PLAC8L1: variants seen among roughly 807,000 people sequenced by gnomAD.
PLAC8L1 encodes PLAC8 like 1.
PLAC8L1 carries 13 observed loss-of-function variants against 16.3 expected under a neutral mutation model. That is an observed-to-expected ratio of 0.80 (90% CI 0.52 to 1.27). The LOEUF (loss-of-function observed/expected upper bound fraction) is 1.27, where lower values mean the gene tolerates loss of function less well. Among genes scored for constraint, PLAC8L1 ranks in the 50% most tolerant of loss-of-function variants. PLAC8L1 has a pLI of 0.00. For synonymous variants in PLAC8L1, 78 were observed against 79.3 expected (o/e 0.98, Z 0.09); for missense variants, 184 against 220.2 (o/e 0.84, Z 1.04).
At chr5:146,089,740 CTTT>C (rs35287551) in intron 2 of PLAC8L1, among the ~76,000 whole-genome samples, 6 of 136,164 alleles carry the variant, frequency 4.4e-5, no homozygotes, top group Admixed American at 7.5e-5. Context: ...ACTTCTTCTT[CTTT>C]TTTTTTTTTT....
At chr5:146,086,744 GA>G (rs1449156483) in intron 2 of PLAC8L1, among the ~76,000 whole-genome samples, 1 of 152,166 alleles carries the variant, frequency 6.6e-6, no homozygotes, top group African/African-American at 2.4e-5. Context: ...CACAGGTTAA[GA>G]ACCCCTGATA....
chr5:146,090,845 G>A (rs147868812), intron 2 of PLAC8L1, among the ~76,000 whole-genome samples: 5 of 152,196 alleles, frequency 3.3e-5, no homozygotes, highest in Admixed American at 6.5e-5. Context: ...CTGAGGTCAG[G>A]AGCTCAAGAC....
At position 146,094,378 on chromosome 5, in the gene PLAC8L1, G is replaced by C. The variant is rs73313985; in HGVS notation, c.256+3778C>G. Reference sequence around the variant, plus strand: ...TACAGGTGTGAAGCCACCGCACCCAGCCTATAGATTTGTTTATTATCCATC... The same window carrying C: ...TACAGGTGTGAAGCCACCGCACCCACCCTATAGATTTGTTTATTATCCATC... On this transcript the variant is annotated intron_variant, in intron 2 of 3. Coordinates refer to ENST00000311450, the MANE Select transcript of PLAC8L1 (RefSeq NM_001029869.3). Among the ~76,000 whole-genome samples the C allele has an allele frequency of 3.9e-3, 595 of 152,250 alleles. 8 individuals are homozygous for C. Among genetic ancestry groups the C allele is most frequent in the African/African-American group, 0.013 (544 of 41,550 alleles).
chr5:146,093,461 G>C (rs1763656709), intron 2 of PLAC8L1, among the ~76,000 whole-genome samples: 1 of 152,188 alleles, frequency 6.6e-6, no homozygotes, highest in Non-Finnish European at 1.5e-5. Context: ...TCGGGTCTTT[G>C]CCACGCACGT....
Position 146,086,717 on chromosome 5 carries a change from G to A in PLAC8L1, c.257-1120C>T, listed in dbSNP as rs997544590. On this transcript the variant is annotated intron_variant, in intron 2 of 3. Coordinates refer to ENST00000311450, the MANE Select transcript of PLAC8L1 (RefSeq NM_001029869.3). ...ATTTCACGGAGTTCATGTATCCACT[G>A]AAAATTATTAACAGACCACAGGTTA... Among the ~76,000 whole-genome samples the A allele has an allele frequency of 3.9e-5, 6 of 152,142 alleles. No individual in the cohort carries two copies. In the South Asian group the frequency reaches 1.2e-3, roughly 32 times the overall value.
At chr5:146,102,020 G>A (rs1448646348) in intron 1 of PLAC8L1, among the ~76,000 whole-genome samples, 14 of 135,938 alleles carry the variant, frequency 1.0e-4, no homozygotes, top group African/African-American at 3.7e-4. Context: ...AAAAGAAAAT[G>A]TTTTTTTTCT....
Position 146,098,120 on chromosome 5 carries a change from A to T in PLAC8L1, c.256+36T>A, listed in dbSNP as rs540086699. On this transcript the variant is annotated intron_variant, in intron 2 of 3. Transcript: ENST00000311450. ...TCACTGATGTCCTGGAAAAGAAAAT[A>T]GTAAGGAGGAACTTAAATAAGGAGG... The T allele has an allele frequency of 2.8e-5, 44 of 1,584,136 alleles. 1 individual carries two copies. The South Asian group carries it at 4.8e-4, about 17-fold the overall frequency.
At chr5:146,098,366 A>T in intron 1 of PLAC8L1, 74 bp from the exon 2 acceptor site, 1 of 1,498,690 alleles carries the variant, frequency 6.7e-7, no homozygotes, top group Admixed American at 1.9e-5. Flanking sequence ...CCAAGTCAGA[A>T]CCATAAAGAA....
intron 2 of PLAC8L1, among the ~76,000 whole-genome samples, chr5:146,087,390 G>A (rs77042918): frequency 0.016 from 2,360 of 152,248 alleles, 29 homozygotes; most frequent in Middle Eastern, 0.02. Context: ...TACCTGGAAG[G>A]GGAATTGCTA....
intron 2 of PLAC8L1, among the ~76,000 whole-genome samples, chr5:146,097,228 C>T (rs185042973): frequency 3.4e-4 from 52 of 152,292 alleles, no homozygotes; most frequent in African/African-American, 1.2e-3. Context: ...AAAATAGAAT[C>T]AATGAGCTTT....
At chr5:146,085,219 A>C (rs1763489192) in intron 3 of PLAC8L1, among the ~76,000 whole-genome samples, 2 of 152,218 alleles carry the variant, frequency 1.3e-5, no homozygotes, top group African/African-American at 4.8e-5. Flanking sequence ...GGACTTTGAG[A>C]ACAGCCTGGC....
chr5:146,090,105 T>C (rs771377423), intron 2 of PLAC8L1, among the ~76,000 whole-genome samples: 9 of 152,112 alleles, frequency 5.9e-5, no homozygotes, highest in Non-Finnish European at 7.4e-5. Flanking sequence ...TGCAGTGGGA[T>C]ATGGAAACAC....
rs1763876658 is a variant in PLAC8L1 at position 146,104,483 on chromosome 5, A to G, written c.-172T>C. 1 of 575,036 alleles carries G rather than the reference A, an allele frequency of 1.7e-6. No individual in the cohort carries two copies. Among genetic ancestry groups the G allele is most frequent in the Non-Finnish European group, 3.1e-6 (1 of 319,216 alleles). 35.6% of individuals were successfully genotyped at this position (575,036 alleles called of 1,614,324 possible). ...CTAACAGACATCTTTTTTCTTTAAA[A>G]ACAGGTATACACCTAACTGTGGACA... On this transcript the variant is annotated 5_prime_UTR_variant, in exon 1 of 4. Transcript: ENST00000311450.
chr5:146,104,395 G>T lies in PLAC8L1; in HGVS notation c.-84C>A. 1 of 1,019,572 alleles carries T rather than the reference G, an allele frequency of 9.8e-7. No individual in the cohort carries two copies. Among genetic ancestry groups the T allele is most frequent in the Non-Finnish European group, 1.5e-6 (1 of 647,808 alleles). The allele number at this position is 1,019,572 out of a possible 1,614,324, so 63.2% of individuals were successfully genotyped here. On this transcript the variant is annotated 5_prime_UTR_variant, in exon 1 of 4. Coordinates refer to ENST00000311450, the MANE Select transcript of PLAC8L1 (RefSeq NM_001029869.3). ...TTTCTAAACTTCGGATTAGTCCAAA[G>T]TGAAACATCTCTTGAAAGAATGTTC... is the stretch of plus-strand genomic sequence containing the variant.
rs200352814 is a variant in PLAC8L1, at chr5:146,100,424, G to GA, written c.120-2133dup. Among the ~76,000 whole-genome samples, 66 of 147,804 alleles carry GA rather than the reference G, an allele frequency of 4.5e-4. No individual in the cohort carries two copies. The East Asian group carries it at 5.5e-3, about 12-fold the overall frequency. On this transcript the variant is annotated intron_variant, in intron 1 of 3. Coordinates refer to ENST00000311450, the MANE Select transcript of PLAC8L1 (RefSeq NM_001029869.3). ...ATGAGCTTTCTAGGAACCTACCATG[G>GA]AAAAAAAAAATTGGCTCCAAAATAT...
At chr5:146,096,174 G>A (rs1272711824) in intron 2 of PLAC8L1, among the ~76,000 whole-genome samples, 1 of 152,114 alleles carries the variant, frequency 6.6e-6, no homozygotes, top group East Asian at 1.9e-4. Flanking sequence ...GCAATCGTTG[G>A]TGCTCCTTGG....
In PLAC8L1 at chr5:146,084,448, T is replaced by C; in HGVS notation, c.518A>G (p.Lys173Arg). Reference protein sequence around the residue: ...VYEICAVPMTKDTLV With the variant: ...VYEICAVPMTRDTLV ...ATCTTGCTGTCAAACCAGGGTGTCC[T>C]TAGTCATTGGGACTGCACAGATTTC... The change falls in exon 4 of 4, where the codon AAG (lysine) becomes AGG (arginine). Residue 173 changes from lysine to arginine, a missense_variant. Physicochemically the swap from Lys to Arg is conservative, Grantham distance 26. Transcript: ENST00000311450. 1 of 1,614,092 alleles carries C rather than the reference T, an allele frequency of 6.2e-7. No homozygotes were observed. The highest frequency in any genetic ancestry group is 8.5e-7 in the Non-Finnish European group (1 of 1,179,986).
intron 1 of PLAC8L1, among the ~76,000 whole-genome samples, chr5:146,103,529 G>T (rs1007398271): frequency 2.0e-5 from 3 of 152,078 alleles, no homozygotes; most frequent in Admixed American, 2.0e-4. Flanking sequence ...CCAGGACCAA[G>T]GGTTTTCCCA....
chr5:146,088,968 T>C (rs1307370498), intron 2 of PLAC8L1, among the ~76,000 whole-genome samples: 2 of 151,922 alleles, frequency 1.3e-5, no homozygotes, highest in Non-Finnish European at 2.9e-5. Context: ...TCCCTGTAAA[T>C]AAAAAAAATT....
Sources: gnomAD v4.1 joint callset for allele counts (sites outside exome capture counted in the v4.1 genomes callset) on GRCh38, gnomAD v4.1.1 for gene constraint, MANE v1.5 for transcripts, NCBI Gene and HGNC (gene_info 2026-07-23, HGNC 2026-07-21) for gene names.